The following TRDN variants were observed in gnomAD, a reference collection of about 807,000 sequenced individuals.
The protein encoded by TRDN is triadin in skeletal muscle.
Under a neutral mutation model 149.7 loss-of-function variants are expected in TRDN, and 161 were observed. The ratio of observed to expected loss-of-function variants is 1.08; its 90% CI spans 0.95 to 1.23. The LOEUF (loss-of-function observed/expected upper bound fraction) is 1.23. Ranked by LOEUF, TRDN falls within the 50% of genes most tolerant of loss-of-function variation. TRDN has a pLI of 0.00. For missense variants in TRDN, 896 were observed against 823.5 expected (o/e 1.09, Z -1.08); for synonymous variants, 294 against 250.5 (o/e 1.17, Z -1.64).
intron 4 of TRDN, among the ~76,000 whole-genome samples, chr6:123,533,178 G>A (rs1367333351): frequency 2.6e-5 from 4 of 152,082 alleles, no homozygotes; most frequent in Non-Finnish European, 5.9e-5. Context: ...TTGAAAAATT[G>A]CATGGAATGC....
chr6:123,426,845 A>G (rs1774140912), intron 12 of TRDN, among the ~76,000 whole-genome samples: 1 of 152,112 alleles, frequency 6.6e-6, no homozygotes, highest in Non-Finnish European at 1.5e-5. Flanking sequence ...TACTGTTCTT[A>G]ATTGCAGAGG....
intron 38 of TRDN, among the ~76,000 whole-genome samples, chr6:123,235,319 A>T (rs1443441661): frequency 6.6e-6 from 1 of 152,024 alleles, no homozygotes; most frequent in Non-Finnish European, 1.5e-5. Flanking sequence ...TTGAGAGCTG[A>T]AGGTGCTGGA....
chr6:123,481,664 C>CA (rs1777756535), intron 9 of TRDN, among the ~76,000 whole-genome samples: 1 of 152,050 alleles, frequency 6.6e-6, no homozygotes, highest in Admixed American at 6.6e-5. Flanking sequence ...CACTCAGTAC[C>CA]ACACGTGTTA....
At chr6:123,259,545 A>G in intron 35 of TRDN, 79 bp downstream of exon 35, 1 of 926,400 alleles carries the variant, frequency 1.1e-6, no homozygotes, top group Non-Finnish European at 1.6e-6. Context: ...TTTAAATCAT[A>G]TAATTTGTAT....
chr6:123,258,585 C>A lies in TRDN; in HGVS notation c.1870+1039G>T, dbSNP rs1358135657. ...CATCGATATTCATCAGGAATATTGG[C>A]CTGAAATTTTCTTTTTTTTGTTATG... On this transcript the variant is annotated intron_variant, in intron 35 of 40. Coordinates refer to ENST00000334268, the MANE Select transcript of TRDN (RefSeq NM_006073.4). Among the ~76,000 whole-genome samples, 3 of 152,038 alleles carry A rather than the reference C, an allele frequency of 2.0e-5. No homozygotes were observed. In the East Asian group the frequency reaches 5.8e-4, roughly 29 times the overall value.
At chr6:123,318,278 T>A (rs1201044430) in intron 23 of TRDN, among the ~76,000 whole-genome samples, 6 of 151,998 alleles carry the variant, frequency 3.9e-5, no homozygotes, top group Non-Finnish European at 8.8e-5. Context: ...ACAATTCTAG[T>A]GATGAGAATT....
intron 19 of TRDN, among the ~76,000 whole-genome samples, chr6:123,371,685 T>C (rs987383727): frequency 6.6e-6 from 1 of 152,170 alleles, no homozygotes; most frequent in Admixed American, 6.6e-5. Flanking sequence ...TCAACCTTGA[T>C]GAACATTCTT....
At chr6:123,531,419 T>C (rs954786284) in intron 4 of TRDN, among the ~76,000 whole-genome samples, 1 of 152,104 alleles carries the variant, frequency 6.6e-6, no homozygotes, top group African/African-American at 2.4e-5. Flanking sequence ...TCTCCATTTG[T>C]AAATCTGCAT....
At chr6:123,218,841 A>G (rs1246125822) in intron 40 of TRDN, 101 bp from the exon 41 acceptor site, 1 of 1,291,252 alleles carries the variant, frequency 7.7e-7, no homozygotes, top group Non-Finnish European at 1.1e-6. Flanking sequence ...AGATTCTGCC[A>G]GCAGCCTCCG....
At chr6:123,453,803 G>A (rs535381071) in intron 10 of TRDN, among the ~76,000 whole-genome samples, 19 of 152,064 alleles carry the variant, frequency 1.2e-4, no homozygotes, top group East Asian at 7.7e-4. Flanking sequence ...GATTGAACAC[G>A]CATGTTTATA....
intron 2 of TRDN, among the ~76,000 whole-genome samples, chr6:123,559,090 G>A (rs918296704): frequency 1.3e-5 from 2 of 152,346 alleles, no homozygotes; most frequent in Non-Finnish European, 1.5e-5. Flanking sequence ...GATCTTCTTG[G>A]CTTAGCGGCT....
At chr6:123,310,885 G>A (rs1237301775) in intron 24 of TRDN, among the ~76,000 whole-genome samples, 2 of 152,064 alleles carry the variant, frequency 1.3e-5, no homozygotes, top group South Asian at 2.1e-4. Flanking sequence ...ATTTAAAGCA[G>A]GAAGGGACAA....
At chr6:123,477,407 A>G (rs1393950922) in intron 9 of TRDN, among the ~76,000 whole-genome samples, 1 of 149,544 alleles carries the variant, frequency 6.7e-6, no homozygotes, top group Non-Finnish European at 1.5e-5. Context: ...AAGTCAGGAA[A>G]CAACAGGTGC....
intron 4 of TRDN, among the ~76,000 whole-genome samples, chr6:123,533,722 G>A (rs1780367970): frequency 6.6e-6 from 1 of 151,976 alleles, no homozygotes; most frequent in East Asian, 1.9e-4. Context: ...AAAGACTAGG[G>A]TCAAGACCAC....
At chr6:123,615,844 G>A (rs1785055827) in intron 1 of TRDN, among the ~76,000 whole-genome samples, 1 of 152,086 alleles carries the variant, frequency 6.6e-6, no homozygotes, top group Admixed American at 6.6e-5. Flanking sequence ...GCATTGTAAA[G>A]TGACTATAAT....
At chr6:123,389,112 A>G (rs1283292903) in intron 13 of TRDN, among the ~76,000 whole-genome samples, 1 of 152,042 alleles carries the variant, frequency 6.6e-6, no homozygotes, top group Non-Finnish European at 1.5e-5. Context: ...CACTTTAATC[A>G]CCTTTGAATT....
intron 26 of TRDN, among the ~76,000 whole-genome samples, 185 bp downstream of exon 26, chr6:123,278,133 C>G (rs929749958): frequency 6.6e-6 from 1 of 151,904 alleles, no homozygotes; most frequent in African/African-American, 2.4e-5. Flanking sequence ...TTCACCTATG[C>G]AAATAGAGGT....
At chr6:123,489,530 T>C (rs1778119319) in intron 9 of TRDN, 1 of 152,148 alleles carries the variant, frequency 6.6e-6, no homozygotes, top group Non-Finnish European at 1.5e-5. Context: ...AAAGGAAATT[T>C]ACCTATTTCT....
rs115501568 is a variant in TRDN, at chr6:123,405,448, T to G, written c.1052-11771A>C. Among the ~76,000 whole-genome samples, 235 of 152,320 alleles carry G rather than the reference T, an allele frequency of 1.5e-3. 1 individual carries two copies. The highest frequency in any genetic ancestry group is 5.3e-3 in the African/African-American group (222 of 41,564). On this transcript the variant is annotated intron_variant, in intron 12 of 40. Transcript: ENST00000334268. ...AAGGCAGTAGAAATTTTTATAAATATGAACTATACGCTGAGTTTTAAAATT... is the reference window on the plus strand; with the variant it reads ...AAGGCAGTAGAAATTTTTATAAATAGGAACTATACGCTGAGTTTTAAAATT...
Sources: gnomAD v4.1 joint callset for allele counts (sites outside exome capture counted in the v4.1 genomes callset) on GRCh38, gnomAD v4.1.1 for gene constraint, MANE v1.5 for transcripts, NCBI Gene and HGNC (gene_info 2026-07-23, HGNC 2026-07-21) for gene names.